The following PLXNC1 variants were observed in gnomAD, a reference collection of about 807,000 sequenced individuals.
PLXNC1 encodes plexin-C1.
Under a neutral mutation model 178.2 loss-of-function variants are expected in PLXNC1, and 75 were observed. That is an observed-to-expected ratio of 0.42 (90% CI 0.35 to 0.51). PLXNC1 has a LOEUF of 0.51. PLXNC1 is among the 20% of genes least tolerant of loss of function. The pLI, the probability that PLXNC1 is intolerant of heterozygous loss-of-function variation, is 0.02. For missense variants in PLXNC1, 1,503 were observed against 1,984.4 expected (o/e 0.76, Z 4.61); for synonymous variants, 790 against 779.9 (o/e 1.01, Z -0.22).
At chr12:94,282,486 C>A in intron 23 of PLXNC1, 85 bp downstream of exon 23, 2 of 873,112 alleles carry the variant, frequency 2.3e-6, no homozygotes, top group Admixed American at 2.2e-5. Context: ...CCAGGACTCC[C>A]ACCCATTTCC....
intron 23 of PLXNC1, among the ~76,000 whole-genome samples, chr12:94,291,321 G>A (rs760849501): frequency 6.6e-6 from 1 of 152,152 alleles, no homozygotes; most frequent in Non-Finnish European, 1.5e-5. Flanking sequence ...CTGCACCCTT[G>A]ACCTCCCACG....
At position 94,305,285 on chromosome 12, in the gene PLXNC1, A is replaced by G; in HGVS notation, c.4707A>G (p.Ter1569=). 1 of 1,593,180 alleles carries G rather than the reference A, an allele frequency of 6.3e-7. No homozygotes were observed. Among genetic ancestry groups the G allele is most frequent in the East Asian group, 2.3e-5 (1 of 44,256 alleles). ...FDEKKKCKWM[*] is the part of the protein sequence containing the mutation. The stretch of plus-strand genomic sequence containing the variant: ...AAAAGAAGAAATGCAAGTGGATGTA[A>G]GCACTCTGGGGCCTGGCTTAATCTG... The change falls in exon 31 of 31, where the codon TAA becomes TAG. Residue 1569 remains the stop codon, a stop_retained_variant. Transcript: ENST00000258526.
chr12:94,170,696 C>CAGCCTAATACAGTGCTG (rs574707972), intron 2 of PLXNC1, among the ~76,000 whole-genome samples: 2,322 of 152,304 alleles, frequency 0.015, 36 homozygotes, highest in South Asian at 0.054. Context: ...TGAATTCCCA[C>CAGCCTAATACAGTGCTG]AGCCTAATAC....
intron 26 of PLXNC1, 99 bp downstream of exon 26, chr12:94,297,522 T>G: frequency 1.2e-6 from 1 of 827,736 alleles, no homozygotes; most frequent in Admixed American, 2.3e-5. Context: ...ACAAATCCCT[T>G]GTGCCTTCTA....
chr12:94,297,204 A>T lies in PLXNC1; in HGVS notation c.3950A>T (p.Asp1317Val), dbSNP rs1223803005. 1 of 1,613,944 alleles carries T rather than the reference A, an allele frequency of 6.2e-7. No individual in the cohort carries two copies. Among genetic ancestry groups the T allele is most frequent in the Non-Finnish European group, 8.5e-7 (1 of 1,179,982 alleles). The change falls in exon 25 of 31, where the codon GAT becomes GTT. Residue 1317 changes from aspartate (D) to valine (V), a missense_variant. Transcript: ENST00000258526. The stretch of plus-strand genomic sequence containing the variant: ...TGGCATTCAGATGTGGAGTACTCGG[A>T]TGACCACTGCCATTTGGTGAGTTCA... ...ANFTSDVEYS[D>V]DHCHLILPDS...
intron 6 of PLXNC1, 83 bp downstream of exon 6, chr12:94,220,246 T>C (rs866771306): frequency 7.4e-7 from 1 of 1,358,280 alleles, no homozygotes; most frequent in Non-Finnish European, 1.0e-6. Context: ...CCAAGGAATA[T>C]GAATAGTTCC....
rs1000149819 is a variant in PLXNC1 at position 94,149,575 on chromosome 12, G to T, written c.604G>T (p.Asp202Tyr). ...SRCNPAASDHDTAIALKDTEG... is the reference protein window; with the variant it reads ...SRCNPAASDHYTAIALKDTEG... ...CTGCAACCCCGCGGCATCCGACCAC[G>T]ACACGGCCATCGCGCTCAAGGACAC... is the stretch of plus-strand genomic sequence containing the variant. The change falls in exon 1 of 31, where the codon GAC becomes TAC. Residue 202 changes from aspartate to tyrosine, a missense_variant. By Grantham distance (160) the Asp-to-Tyr change is radical. Transcript: ENST00000258526. The T allele has an allele frequency of 1.3e-6, 2 of 1,566,378 alleles. No individual in the cohort carries two copies. Among genetic ancestry groups the T allele is most frequent in the South Asian group, 2.3e-5 (2 of 86,292 alleles).
intron 1 of PLXNC1, among the ~76,000 whole-genome samples, chr12:94,163,444 A>C (rs1961467947): frequency 6.6e-6 from 1 of 152,156 alleles, no homozygotes; most frequent in Non-Finnish European, 1.5e-5. Flanking sequence ...TATTTGAGTC[A>C]GGTCGTCTTT....
intron 17 of PLXNC1, among the ~76,000 whole-genome samples, chr12:94,258,296 G>GT (rs142296245): frequency 1.9e-4 from 29 of 152,018 alleles, no homozygotes; most frequent in East Asian, 5.8e-4. Context: ...TTTTTGGTTT[G>GT]TTTTTTTGGG....
In PLXNC1 at chr12:94,166,268, A is replaced by T. The variant is rs114481185; in HGVS notation, c.1063-2885A>T. Among the ~76,000 whole-genome samples, 1,393 of 152,344 alleles carry T rather than the reference A, an allele frequency of 9.1e-3. 34 individuals are homozygous for T. Among genetic ancestry groups the T allele is most frequent in the African/African-American group, 0.032 (1,333 of 41,580 alleles). On this transcript the variant is annotated intron_variant, in intron 1 of 30. Coordinates refer to ENST00000258526, the MANE Select transcript of PLXNC1 (RefSeq NM_005761.3). ...TTCTAAGCTTTACTGAGGCTTACGC[A>T]CAAACTCACCCAGTCCTCATAAAAA... is the stretch of plus-strand genomic sequence containing the variant.
At chr12:94,255,910 G>A (rs1263359551) in intron 17 of PLXNC1, 2 of 152,584 alleles carry the variant, frequency 1.3e-5, no homozygotes. Flanking sequence ...CTAGGGCTCT[G>A]AGGAGTCGTC....
At chr12:94,186,579 C>A (rs1962516965) in intron 4 of PLXNC1, 106 bp downstream of exon 4, 1 of 711,198 alleles carries the variant, frequency 1.4e-6, no homozygotes, top group Non-Finnish European at 2.5e-6. Flanking sequence ...CCTGAGGGAA[C>A]TGATCTCTTC....
chr12:94,263,545 G>T (rs1180802947), intron 20 of PLXNC1, among the ~76,000 whole-genome samples: 1 of 152,012 alleles, frequency 6.6e-6, no homozygotes, highest in Non-Finnish European at 1.5e-5. Context: ...CTATCCAAGG[G>T]TTCTCAGCCT....
At chr12:94,265,901 A>AT (rs1281482052) in intron 21 of PLXNC1, among the ~76,000 whole-genome samples, 1 of 152,016 alleles carries the variant, frequency 6.6e-6, no homozygotes, top group Non-Finnish European at 1.5e-5. Flanking sequence ...TTTGGGGCAC[A>AT]TTTGGGAATT....
intron 12 of PLXNC1, among the ~76,000 whole-genome samples, 165 bp downstream of exon 12, chr12:94,244,190 C>A (rs1964467817): frequency 6.6e-6 from 1 of 152,154 alleles, no homozygotes; most frequent in Non-Finnish European, 1.5e-5. Context: ...AATAATAAGA[C>A]CTTATCCTTG....
intron 21 of PLXNC1, 128 bp downstream of exon 21, chr12:94,265,353 T>C (rs1965177302): frequency 1.2e-5 from 9 of 738,138 alleles, no homozygotes; most frequent in Admixed American, 2.5e-5. Context: ...GTTTAGTTAA[T>C]TAAAAACAGT....
chr12:94,291,666 T>C (rs895493731), intron 23 of PLXNC1, among the ~76,000 whole-genome samples: 19 of 152,210 alleles, frequency 1.2e-4, no homozygotes, highest in African/African-American at 4.6e-4. Flanking sequence ...GAAGAAACCT[T>C]GAATTCATTA....
chr12:94,181,626 G>A, intron 3 of PLXNC1, 46 bp downstream of exon 3: 1 of 1,493,372 alleles, frequency 6.7e-7, no homozygotes, highest in Non-Finnish European at 9.3e-7. Flanking sequence ...GAATAAAAAT[G>A]GTTTAATTGA....
intron 21 of PLXNC1, among the ~76,000 whole-genome samples, chr12:94,276,279 C>A (rs1965950384): frequency 6.6e-6 from 1 of 152,156 alleles, no homozygotes; most frequent in Non-Finnish European, 1.5e-5. Context: ...AATTACCCGC[C>A]ACCATGAGAA....
Sources: gnomAD v4.1 joint callset for allele counts (sites outside exome capture counted in the v4.1 genomes callset) on GRCh38, gnomAD v4.1.1 for gene constraint, MANE v1.5 for transcripts, NCBI Gene and HGNC (gene_info 2026-07-23, HGNC 2026-07-21) for gene names.